Variants in TMCO5A observed in about 807,000 individuals in gnomAD.
TMCO5A encodes transmembrane and coiled-coil domains 5A, also known as transmembrane and coiled-coil domain-containing protein 5A.
TMCO5A carries 34 observed loss-of-function variants against 42.3 expected under a neutral mutation model. The ratio of observed to expected loss-of-function variants is 0.80; its 90% CI spans 0.61 to 1.07. The LOEUF (loss-of-function observed/expected upper bound fraction) is 1.07, where lower values mean the gene tolerates loss of function less well. Ranked by LOEUF, TMCO5A falls within the 50% of genes least tolerant of loss-of-function variation. The probability of loss-of-function intolerance (pLI) is 0.00; values close to 1 mark genes in which losing one functional copy is unlikely to be tolerated. For missense variants in TMCO5A, 357 were observed against 327.9 expected, an observed-to-expected ratio of 1.09 and a Z score of -0.69; for synonymous variants, 131 against 115.6, an observed-to-expected ratio of 1.13 and a Z score of -0.86.
the TMCO5A span, among the ~76,000 whole-genome samples, chr15:37,980,200 G>GAGGTAA: frequency 1.3e-5 from 2 of 151,098 alleles, no homozygotes; most frequent in South Asian, 4.1e-4. Context: ...GGGTGCAGTG[G>GAGGTAA]AGGTAAGGCC....
At chr15:38,008,094 A>G in the TMCO5A span, among the ~76,000 whole-genome samples, 2 of 151,308 alleles carry the variant, frequency 1.3e-5, no homozygotes, top group Non-Finnish European at 2.9e-5. Flanking sequence ...ATGGGGTTTC[A>G]CCATGTTAGC....
the TMCO5A span, among the ~76,000 whole-genome samples, chr15:38,030,020 C>A: frequency 6.6e-6 from 1 of 152,212 alleles, no homozygotes; most frequent in East Asian, 1.9e-4. Context: ...TGGCTTATCA[C>A]GGGTAGAAAA....
chr15:37,949,511 G>T (rs1279754857), intron 11 of TMCO5A, among the ~76,000 whole-genome samples: 1 of 152,064 alleles, frequency 6.6e-6, no homozygotes, highest in Non-Finnish European at 1.5e-5. Context: ...AAACTGCCTA[G>T]TGGAATGGAA....
downstream of TMCO5A, among the ~76,000 whole-genome samples, chr15:37,969,361 C>T (rs1353797061): frequency 6.6e-6 from 1 of 152,130 alleles, no homozygotes; most frequent in Non-Finnish European, 1.5e-5. Context: ...TTCTTTATAA[C>T]ACTAGGCCTC....
At chr15:37,985,125 G>A in the TMCO5A span, among the ~76,000 whole-genome samples, 1 of 151,504 alleles carries the variant, frequency 6.6e-6, no homozygotes, top group African/African-American at 2.4e-5. Context: ...TCAAAGAGTG[G>A]GTGGCTTCTT....
the TMCO5A span, chr15:38,040,340 A>G: frequency 6.6e-6 from 1 of 152,202 alleles, no homozygotes; most frequent in African/African-American, 2.4e-5. Context: ...CAGACACTGA[A>G]GCGGTCACCC....
chr15:37,937,406 G>A lies in TMCO5A; in HGVS notation c.315+10G>A, dbSNP rs57754563. 1.4e-3 allele frequency: 2,258 copies of A among 1,612,866 alleles called. 36 individuals are homozygous for A. In the African/African-American group the frequency reaches 0.028, roughly 20 times the overall value. The stretch of plus-strand genomic sequence containing the variant: ...AGAACTTCAACAAAAGGTGAGGTAG[G>A]GTACTTGTGTTCTCCAGTGCCCCCA... On this transcript the variant is annotated intron_variant, in intron 5 of 11. Transcript: ENST00000319669.
At chr15:37,975,165 G>T in the TMCO5A span, among the ~76,000 whole-genome samples, 1 of 152,062 alleles carries the variant, frequency 6.6e-6, no homozygotes, top group African/African-American at 2.4e-5. Context: ...CCAATTGTGT[G>T]GTCTATTTTG....
At chr15:37,949,542 C>A (rs2140285143) in intron 11 of TMCO5A, among the ~76,000 whole-genome samples, 1 of 151,904 alleles carries the variant, frequency 6.6e-6, no homozygotes, top group Admixed American at 6.6e-5. Context: ...AGAAATTGTG[C>A]ACATAGCAAA....
At chr15:38,010,531 C>A in the TMCO5A span, among the ~76,000 whole-genome samples, 2 of 151,224 alleles carry the variant, frequency 1.3e-5, no homozygotes, top group African/African-American at 2.4e-5. Flanking sequence ...ATGATGTTAT[C>A]ACGAGCGAAG....
the TMCO5A span, among the ~76,000 whole-genome samples, chr15:38,036,623 A>G: frequency 1.3e-5 from 2 of 152,072 alleles, no homozygotes; most frequent in African/African-American, 4.8e-5. Flanking sequence ...GTTGTTTCTC[A>G]GGCTAGAAAT....
the TMCO5A span, among the ~76,000 whole-genome samples, chr15:37,992,654 T>A: frequency 3.5e-4 from 53 of 152,344 alleles, no homozygotes; most frequent in Admixed American, 3.3e-3. Context: ...CATTGTGGAA[T>A]ATTATGCAGC....
At chr15:37,941,068 G>T (rs555873227) in intron 6 of TMCO5A, 81 bp from the exon 7 acceptor site, 1 of 1,398,526 alleles carries the variant, frequency 7.2e-7, no homozygotes, top group African/African-American at 1.4e-5. Flanking sequence ...CTCACAGCTC[G>T]TGAGGCCACC....
the TMCO5A span, among the ~76,000 whole-genome samples, chr15:37,985,757 A>G: frequency 6.6e-6 from 1 of 152,146 alleles, no homozygotes; most frequent in Non-Finnish European, 1.5e-5. Context: ...CATTCCTGTT[A>G]ATTGAAAACA....
the TMCO5A span, among the ~76,000 whole-genome samples, chr15:38,006,211 CT>C: frequency 1.3e-5 from 2 of 152,146 alleles, no homozygotes; most frequent in Non-Finnish European, 2.9e-5. Flanking sequence ...GGCCTAGAGC[CT>C]TTATTGTGTT....
At chr15:38,024,239 A>G in the TMCO5A span, among the ~76,000 whole-genome samples, 1 of 152,218 alleles carries the variant, frequency 6.6e-6, no homozygotes, top group Non-Finnish European at 1.5e-5. Flanking sequence ...GGATGAGAAG[A>G]AAGGACTGGT....
chr15:38,001,291 A>G, the TMCO5A span, among the ~76,000 whole-genome samples: 2 of 152,032 alleles, frequency 1.3e-5, no homozygotes, highest in Non-Finnish European at 2.9e-5. Flanking sequence ...TTGTCTTGAA[A>G]TCTATTTTGT....
At chr15:37,969,780 G>C (rs1473194237), downstream of TMCO5A, among the ~76,000 whole-genome samples, 1 of 152,196 alleles carries the variant, frequency 6.6e-6, no homozygotes, top group Non-Finnish European at 1.5e-5. Flanking sequence ...AGAACATGCA[G>C]TACTTGGTTT....
intron 11 of TMCO5A, among the ~76,000 whole-genome samples, chr15:37,957,766 AG>A (rs1890327261): frequency 1.3e-5 from 2 of 152,182 alleles, no homozygotes; most frequent in African/African-American, 4.8e-5. Flanking sequence ...GAACCAAAAA[AG>A]AGCCCATATA....
Sources: gnomAD v4.1 joint callset for allele counts (sites outside exome capture counted in the v4.1 genomes callset) on GRCh38, gnomAD v4.1.1 for gene constraint, MANE v1.5 for transcripts, NCBI Gene and HGNC (gene_info 2026-07-23, HGNC 2026-07-21) for gene names.